CFH: variants seen among roughly 807,000 people sequenced by gnomAD.
The protein encoded by CFH is H factor 1 (complement).
A neutral mutation model predicts 147.3 loss-of-function variants in CFH; 53 were observed. That is an observed-to-expected ratio of 0.36 (90% CI 0.29 to 0.45). The LOEUF (loss-of-function observed/expected upper bound fraction) is 0.45. Among genes scored for constraint, CFH ranks in the 20% least tolerant of loss-of-function variants. The probability of loss-of-function intolerance (pLI) is 1.00; values close to 1 mark genes in which losing one functional copy is unlikely to be tolerated. For missense variants in CFH, 1,380 were observed against 1,498.0 expected (o/e 0.92, Z 1.30); for synonymous variants, 536 against 489.4 (o/e 1.10, Z -1.26).
At chr1:196,696,726 G>C (rs924420326) in intron 9 of CFH, among the ~76,000 whole-genome samples, 5 of 152,142 alleles carry the variant, frequency 3.3e-5, no homozygotes, top group African/African-American at 1.2e-4. Context: ...AACAAAGCTG[G>C]AGGCATCATG....
chr1:196,718,981 A>G (rs906074759), intron 11 of CFH, among the ~76,000 whole-genome samples: 7 of 152,100 alleles, frequency 4.6e-5, no homozygotes, highest in Admixed American at 4.6e-4. Flanking sequence ...CAGACATCTG[A>G]GTATATTTCA....
intron 18 of CFH, 128 bp from the exon 19 acceptor site, chr1:196,741,747 A>T (rs927152130): frequency 6.3e-6 from 5 of 799,156 alleles, no homozygotes; most frequent in Admixed American, 2.5e-5. Flanking sequence ...TATTTTCTCA[A>T]GTTATAAGAA....
chr1:196,742,172 C>A (rs775766611), intron 19 of CFH, 121 bp downstream of exon 19: 1 of 842,790 alleles, frequency 1.2e-6, no homozygotes, highest in Admixed American at 2.0e-5. Context: ...GTCAGGAGTT[C>A]GAGACCAGCC....
At chr1:196,705,199 C>T (rs1668557154) in intron 9 of CFH, among the ~76,000 whole-genome samples, 1 of 82,792 alleles carries the variant, frequency 1.2e-5, no homozygotes, top group African/African-American at 6.2e-5. Context: ...ACTGGCTTTA[C>T]ATTTTTTTTT....
intron 3 of CFH, among the ~76,000 whole-genome samples, chr1:196,675,633 T>C (rs1025924575): frequency 6.6e-6 from 1 of 152,006 alleles, no homozygotes; most frequent in African/African-American, 2.4e-5. Context: ...CAATGAAAAA[T>C]AAGAATACTT....
At chr1:196,700,383 A>T (rs1668414125) in intron 9 of CFH, among the ~76,000 whole-genome samples, 1 of 151,812 alleles carries the variant, frequency 6.6e-6, no homozygotes, top group Non-Finnish European at 1.5e-5. Flanking sequence ...CCCAGACATG[A>T]TGGCTCACAC....
At chr1:196,735,094 CGT>C (rs1158777545) in intron 15 of CFH, among the ~76,000 whole-genome samples, 2 of 151,888 alleles carry the variant, frequency 1.3e-5, no homozygotes, top group African/African-American at 4.8e-5. Context: ...ATGTTACACA[CGT>C]GTGTGTGTGT....
intron 15 of CFH, among the ~76,000 whole-genome samples, chr1:196,729,769 C>T (rs1669237742): frequency 6.6e-6 from 1 of 151,946 alleles, no homozygotes; most frequent in Non-Finnish European, 1.5e-5. Flanking sequence ...TCTGTTGCCT[C>T]ATGATTACTC....
Position 196,728,389 on chromosome 1 carries a change from A to G in CFH, c.2280A>G (p.Ile760Met). 6.3e-7 allele frequency: 1 copy of G among 1,587,474 alleles called. No homozygotes were observed. Among genetic ancestry groups the G allele is most frequent in the Non-Finnish European group, 8.6e-7 (1 of 1,160,408 alleles). Residue 760 changes from isoleucine (I) to methionine (M), a missense_variant, in exon 15 of 22, where the codon ATA (isoleucine) becomes ATG (methionine). This residue lies in a region of CFH where 830 missense variants were observed against 821.4 expected (regional missense o/e 1.01). Coordinates refer to ENST00000367429, the MANE Select transcript of CFH (RefSeq NM_000186.4). The stretch of plus-strand genomic sequence containing the variant: ...AGTGCAAATCATCAAATTTAATTAT[A>G]CTTGAGGAACATTTAAAAAACAAGA... ...LKKCKSSNLIILEEHLKNKKE... is the reference protein window; with the variant it reads ...LKKCKSSNLIMLEEHLKNKKE...
chr1:196,727,729 A>G (rs928949301), intron 14 of CFH, among the ~76,000 whole-genome samples: 3 of 152,126 alleles, frequency 2.0e-5, no homozygotes, highest in Non-Finnish European at 2.9e-5. Flanking sequence ...TTTGTTCCAT[A>G]TCAGCCAAAA....
intron 10 of CFH, among the ~76,000 whole-genome samples, chr1:196,715,099 T>C (rs1299781028): frequency 6.6e-6 from 1 of 152,052 alleles, no homozygotes. Flanking sequence ...AAAAAGCTAA[T>C]TTTATACTAA....
Position 196,660,943 on chromosome 1 carries a change from T to C in CFH, c.58+8768T>C, listed in dbSNP as rs568400802. Among the ~76,000 whole-genome samples the C allele has an allele frequency of 6.2e-4, 95 of 152,310 alleles. 1 individual carries two copies. The highest frequency in any genetic ancestry group is 2.1e-3 in the African/African-American group (87 of 41,566). On this transcript the variant is annotated intron_variant, in intron 1 of 21. Coordinates refer to ENST00000367429, the MANE Select transcript of CFH (RefSeq NM_000186.4). ...TCACTAGGAAGTGAGCGGGCTAAAC[T>C]TTTTTTGTGTTAATGGATTACTTTA...
chr1:196,742,172 C>T lies in CFH; in HGVS notation c.3133+121C>T, dbSNP rs775766611. 58 of 842,672 alleles carry T rather than the reference C, an allele frequency of 6.9e-5. No homozygotes were observed. In the East Asian group the frequency reaches 1.0e-3, roughly 15 times the overall value. 52.2% of individuals were successfully genotyped at this position (842,672 alleles called of 1,614,324 possible). On this transcript the variant is annotated intron_variant, in intron 19 of 21. Coordinates refer to ENST00000367429, the MANE Select transcript of CFH (RefSeq NM_000186.4). Reference sequence around the variant, plus strand: ...GGCGGATCACTTGAGGTCAGGAGTTCGAGACCAGCCTGGCCAACATGGTGA... The same window carrying T: ...GGCGGATCACTTGAGGTCAGGAGTTTGAGACCAGCCTGGCCAACATGGTGA...
chr1:196,655,443 A>T (rs958236387), intron 1 of CFH, among the ~76,000 whole-genome samples: 7 of 152,172 alleles, frequency 4.6e-5, no homozygotes, highest in African/African-American at 1.7e-4. Context: ...AATTTAAACT[A>T]AAAATGAAAT....
At chr1:196,699,499 C>A (rs1668388748) in intron 9 of CFH, among the ~76,000 whole-genome samples, 1 of 152,154 alleles carries the variant, frequency 6.6e-6, no homozygotes, top group Non-Finnish European at 1.5e-5. Flanking sequence ...ACTTTTCTCT[C>A]TAATAGTCTC....
intron 2 of CFH, 100 bp from the exon 3 acceptor site, chr1:196,673,757 G>A: frequency 1.2e-6 from 1 of 802,148 alleles, no homozygotes; most frequent in Non-Finnish European, 2.2e-6. Context: ...CATTCAATCT[G>A]TCTTCTTATA....
chr1:196,737,666 G>C lies in CFH; in HGVS notation c.2782+6G>C. 1.2e-6 allele frequency: 2 copies of C among 1,611,408 alleles called. No individual in the cohort carries two copies. Among genetic ancestry groups the C allele is most frequent in the South Asian group, 2.2e-5 (2 of 90,982 alleles). On this transcript the variant is annotated splice_donor_region_variant and intron_variant, in intron 17 of 21. Transcript: ENST00000367429. The stretch of plus-strand genomic sequence containing the variant: ...TTCTCCACCTCAGTGTGAAGGTTAG[G>C]CCAATATGAATACTCAATTTCTGTT...
Position 196,669,599 on chromosome 1 carries a change from A to G in CFH, c.59-3379A>G, listed in dbSNP as rs1254853980. Among the ~76,000 whole-genome samples, 7 of 152,200 alleles carry G rather than the reference A, an allele frequency of 4.6e-5. No individual in the cohort carries two copies. The South Asian group carries it at 1.0e-3, about 23-fold the overall frequency. On this transcript the variant is annotated intron_variant, in intron 1 of 21. Transcript: ENST00000367429. The stretch of plus-strand genomic sequence containing the variant: ...AGCCCTAAGCCTTGGCAGCTTCCAC[A>G]TGGTGTTGGTCCTGTGGGTACACAG...
chr1:196,700,431 A>G (rs1668415137), intron 9 of CFH, among the ~76,000 whole-genome samples: 1 of 152,104 alleles, frequency 6.6e-6, no homozygotes, highest in Non-Finnish European at 1.5e-5. Flanking sequence ...AGGAGGGCAG[A>G]TTACTTGAGG....
Sources: gnomAD v4.1 joint callset for allele counts (sites outside exome capture counted in the v4.1 genomes callset) on GRCh38, gnomAD v4.1.1 for gene constraint, gnomAD v4.1.1 regional missense constraint, MANE v1.5 for transcripts, NCBI Gene and HGNC (gene_info 2026-07-23, HGNC 2026-07-21) for gene names.